The following SMPD3 variants were observed in gnomAD, a reference collection of about 807,000 sequenced individuals.
SMPD3 encodes nSMase-2.
Under a neutral mutation model 55.7 loss-of-function variants are expected in SMPD3, and 21 were observed. That is an observed-to-expected ratio of 0.38 (90% CI 0.27 to 0.54). The LOEUF (loss-of-function observed/expected upper bound fraction) is 0.54. SMPD3 is among the 20% of genes least tolerant of loss of function. SMPD3 has a pLI of 0.80. For synonymous variants in SMPD3, 457 were observed against 404.3 expected (o/e 1.13, Z -1.56); for missense variants, 842 against 899.6 (o/e 0.94, Z 0.82).
rs189554178 is a variant in SMPD3 at position 68,410,048 on chromosome 16, G to C, written c.-268-23389C>G. Among the ~76,000 whole-genome samples, 826 of 152,340 alleles carry C rather than the reference G, an allele frequency of 5.4e-3. 32 individuals are homozygous for C. The highest frequency in any genetic ancestry group is 0.048 in the Admixed American group (736 of 15,306). ...GCCCCAGGGCCTCTCTGACCCTAAC[G>C]AGGCAGAGATAAGACCTGCCTGTCC... On this transcript the variant is annotated intron_variant, in intron 1 of 8. Coordinates refer to ENST00000219334, the MANE Select transcript of SMPD3 (RefSeq NM_018667.4).
At chr16:68,440,758 C>G (rs1457153872) in intron 1 of SMPD3, among the ~76,000 whole-genome samples, 1 of 152,186 alleles carries the variant, frequency 6.6e-6, no homozygotes, top group Non-Finnish European at 1.5e-5. Flanking sequence ...TGTCTGATTC[C>G]TGTCCAGAAT....
At chr16:68,374,993 C>T (rs984487664) in intron 2 of SMPD3, among the ~76,000 whole-genome samples, 2 of 152,188 alleles carry the variant, frequency 1.3e-5, no homozygotes, top group East Asian at 3.9e-4. Flanking sequence ...TTCTTGGGGC[C>T]ACCTGGACGT....
At chr16:68,408,625 T>C (rs1039033560) in intron 1 of SMPD3, among the ~76,000 whole-genome samples, 1 of 152,238 alleles carries the variant, frequency 6.6e-6, no homozygotes, top group African/African-American at 2.4e-5. Flanking sequence ...GCCAGGGACC[T>C]GGACCTAGGC....
chr16:68,368,580 C>G (rs1428970824), intron 3 of SMPD3: 1 of 153,132 alleles, frequency 6.5e-6, no homozygotes, highest in Non-Finnish European at 1.5e-5. Context: ...CCAAGGTGGT[C>G]CTTCTGGCTT....
intron 3 of SMPD3, among the ~76,000 whole-genome samples, chr16:68,365,594 T>C (rs951469875): frequency 6.6e-6 from 1 of 152,142 alleles, no homozygotes; most frequent in Non-Finnish European, 1.5e-5. Context: ...ACCCTGCCCC[T>C]CCTGGCCTCG....
intron 1 of SMPD3, among the ~76,000 whole-genome samples, chr16:68,397,773 C>A (rs185480960): frequency 1.3e-5 from 2 of 152,078 alleles, no homozygotes; most frequent in African/African-American, 4.8e-5. Context: ...TTTGCGGGGG[C>A]GGGGGGTGGT....
At chr16:68,377,027 CCT>C (rs1248594993) in intron 2 of SMPD3, among the ~76,000 whole-genome samples, 1 of 152,188 alleles carries the variant, frequency 6.6e-6, no homozygotes, top group Non-Finnish European at 1.5e-5. Context: ...CCTTGTGTGC[CCT>C]GTTTGCTCTC....
intron 1 of SMPD3, among the ~76,000 whole-genome samples, chr16:68,426,422 T>C (rs181882990): frequency 8.5e-5 from 13 of 152,304 alleles, no homozygotes; most frequent in Admixed American, 4.6e-4. Flanking sequence ...TTCATGACCA[T>C]GTCAAGAAGC....
chr16:68,379,336 A>G (rs754139998), intron 2 of SMPD3, among the ~76,000 whole-genome samples: 1 of 152,236 alleles, frequency 6.6e-6, no homozygotes, highest in Non-Finnish European at 1.5e-5. Flanking sequence ...AGGCTGCTCA[A>G]CTGACTGTGC....
chr16:68,421,824 T>C (rs2090397389), intron 1 of SMPD3, among the ~76,000 whole-genome samples: 1 of 152,192 alleles, frequency 6.6e-6, no homozygotes, highest in Non-Finnish European at 1.5e-5. Flanking sequence ...CTATTAGACT[T>C]GGTAGTAGCC....
rs769705001 is a variant in SMPD3 at position 68,371,826 on chromosome 16, C to T, written c.356G>A (p.Gly119Glu). 3.6e-5 allele frequency: 58 copies of T among 1,605,386 alleles called. No homozygotes were observed. Among genetic ancestry groups the T allele is most frequent in the Non-Finnish European group, 4.8e-5 (57 of 1,176,798 alleles). The change falls in exon 3 of 9, where the codon GGG (glycine) becomes GAG (glutamate). Residue 119 changes from glycine to glutamate, a missense_variant. Coordinates refer to ENST00000219334, the MANE Select transcript of SMPD3 (RefSeq NM_018667.4). Reference protein sequence around the residue: ...AALLSEWKGTGPGKSFCFATA... With the variant: ...AALLSEWKGTEPGKSFCFATA... ...GGCAAAGCAGAAGCTTTTGCCAGGC[C>T]CCGTGCCCTTCCATTCACTGAGCAG...
intron 1 of SMPD3, among the ~76,000 whole-genome samples, chr16:68,433,765 C>T (rs1180214029): frequency 1.3e-5 from 2 of 152,148 alleles, no homozygotes; most frequent in Non-Finnish European, 1.5e-5. Flanking sequence ...ATCTGCTGCC[C>T]TTGCTTGTTA....
Position 68,371,670 on chromosome 16 carries a change from A to G in SMPD3, c.512T>C (p.Ile171Thr). ...GATGGAGGTATTGGTGGGGGAGTCG[A>G]TGTAAATTTTGATCTGGGGCCGGGC... Reference protein sequence around the residue: ...GAARPQIKIYIDSPTNTSISA... With the variant: ...GAARPQIKIYTDSPTNTSISA... Residue 171 changes from isoleucine (I) to threonine (T), a missense_variant, in exon 3 of 9, where the codon ATC (isoleucine) becomes ACC (threonine). Coordinates refer to ENST00000219334, the MANE Select transcript of SMPD3 (RefSeq NM_018667.4). 2 of 1,567,662 alleles carry G rather than the reference A, an allele frequency of 1.3e-6. No homozygotes were observed. The highest frequency in any genetic ancestry group is 1.7e-6 in the Non-Finnish European group (2 of 1,157,328).
At chr16:68,415,272 A>G (rs1350442778) in intron 1 of SMPD3, among the ~76,000 whole-genome samples, 1 of 152,122 alleles carries the variant, frequency 6.6e-6, no homozygotes, top group Non-Finnish European at 1.5e-5. Flanking sequence ...TTTGTGGAGA[A>G]ACCCAAGGAG....
chr16:68,378,381 T>G (rs1447720057), intron 2 of SMPD3, among the ~76,000 whole-genome samples: 1 of 152,130 alleles, frequency 6.6e-6, no homozygotes, highest in Non-Finnish European at 1.5e-5. Flanking sequence ...GTGATGCAGG[T>G]TGGACACATC....
At chr16:68,430,654 A>G (rs977636280) in intron 1 of SMPD3, among the ~76,000 whole-genome samples, 1 of 152,036 alleles carries the variant, frequency 6.6e-6, no homozygotes, top group Non-Finnish European at 1.5e-5. Flanking sequence ...CCATCACCCC[A>G]CTGTTCATTA....
intron 1 of SMPD3, among the ~76,000 whole-genome samples, chr16:68,394,344 T>C (rs1201284846): frequency 6.6e-6 from 1 of 152,254 alleles, no homozygotes; most frequent in Non-Finnish European, 1.5e-5. Flanking sequence ...TTCTTTGTTG[T>C]ATTTGTTTCT....
chr16:68,377,460 A>G (rs543789561), intron 2 of SMPD3, among the ~76,000 whole-genome samples: 56 of 152,316 alleles, frequency 3.7e-4, no homozygotes, highest in Admixed American at 3.5e-3. Flanking sequence ...TTTGTAGTCA[A>G]TCTGCAGCCA....
intron 1 of SMPD3, among the ~76,000 whole-genome samples, chr16:68,415,371 G>A (rs1181277200): frequency 1.3e-5 from 2 of 152,116 alleles, no homozygotes; most frequent in African/African-American, 2.4e-5. Context: ...CTGAGAGGCC[G>A]GGCTCATCAC....
Sources: allele counts gnomAD v4.1 joint callset (sites outside exome capture counted in the v4.1 genomes callset), GRCh38; gene constraint gnomAD v4.1.1; transcripts MANE v1.5; gene names NCBI Gene and HGNC (gene_info 2026-07-23, HGNC 2026-07-21).